Variants in TOP2A observed in about 807,000 individuals in gnomAD.
TOP2A encodes the protein DNA topoisomerase II alpha.
In TOP2A, 68 loss-of-function variants were observed where a neutral mutation model predicts 187.2. The observed-to-expected ratio is 0.36, with a 90% CI of 0.30 to 0.44. The LOEUF is 0.44. Among genes scored for constraint, TOP2A ranks in the 20% least tolerant of loss-of-function variants. TOP2A has a pLI of 1.00. For missense variants in TOP2A, 1,196 were observed against 1,808.7 expected (o/e 0.66, Z 6.14); for synonymous variants, 542 against 593.2 (o/e 0.91, Z 1.25).
intron 7 of TOP2A, among the ~76,000 whole-genome samples, chr17:40,412,272 G>A (rs78016783): frequency 0.038 from 5,737 of 152,228 alleles, 177 homozygotes; most frequent in African/African-American, 0.078. Context: ...AAATTCCTTC[G>A]GTAAGTTTAA....
Position 40,416,947 on chromosome 17 carries a change from A to T in TOP2A, c.22-52T>A, listed in dbSNP as rs1432894166. ...GAAGGGAATTTTTAATCATAAGTTT[A>T]CCCTAAACTAGGAACAAAATGCCTA... is the stretch of plus-strand genomic sequence containing the variant. On this transcript the variant is annotated intron_variant, in intron 1 of 34. Transcript: ENST00000423485. The T allele has an allele frequency of 6.1e-6, 9 of 1,469,924 alleles. No homozygotes were observed. In the Admixed American group the frequency reaches 1.5e-4, roughly 25 times the overall value. 91.1% of individuals were successfully genotyped at this position (1,469,924 alleles called of 1,614,324 possible).
chr17:40,398,635 C>T lies in TOP2A; in HGVS notation c.3460G>A (p.Glu1154Lys). 6.3e-7 allele frequency: 1 copy of T among 1,598,396 alleles called. No individual in the cohort carries two copies. The highest frequency in any genetic ancestry group is 8.5e-7 in the Non-Finnish European group (1 of 1,171,906). ...CTCTTTCTTTTTAATGTGTCCAGCT[C>T]TTGTTCCTTCATAAGATAATTACAA... Reference protein sequence around the residue: ...LCRLRNEKEQELDTLKRKSPS... With the variant: ...LCRLRNEKEQKLDTLKRKSPS... The change falls in exon 27 of 35, where the codon GAG becomes AAG. Residue 1154 changes from glutamate to lysine, a missense_variant. By Grantham distance (56) the Glu-to-Lys change is moderately conservative. Coordinates refer to ENST00000423485, the MANE Select transcript of TOP2A (RefSeq NM_001067.4).
intron 27 of TOP2A, among the ~76,000 whole-genome samples, chr17:40,396,923 G>A (rs1329369298): frequency 1.4e-5 from 2 of 145,976 alleles, no homozygotes; most frequent in South Asian, 2.1e-4. Context: ...TAAGAGACAC[G>A]CAGGCTGAGT....
intron 11 of TOP2A, 71 bp downstream of exon 11, chr17:40,408,421 G>A (rs1430229068): frequency 6.4e-6 from 9 of 1,417,230 alleles, no homozygotes; most frequent in African/African-American, 2.9e-5. Context: ...ATAAATATCC[G>A]TGGTATGCCA....
At chr17:40,405,015 G>A in intron 16 of TOP2A, 132 bp from the exon 17 acceptor site, 1 of 596,398 alleles carries the variant, frequency 1.7e-6, no homozygotes. Flanking sequence ...TGAGACGGGA[G>A]TTACTGTTCT....
intron 28 of TOP2A, 82 bp downstream of exon 28, chr17:40,396,201 G>GA (rs1185493671): frequency 5.5e-6 from 4 of 725,452 alleles, no homozygotes. Context: ...GGCTGGTCTT[G>GA]AACCACTGAC....
chr17:40,410,218 C>T (rs1448454466), intron 10 of TOP2A, among the ~76,000 whole-genome samples: 2 of 152,116 alleles, frequency 1.3e-5, no homozygotes, highest in Admixed American at 6.5e-5. Context: ...AAAGTAAAGG[C>T]TTTCCTGAGG....
At chr17:40,390,648 C>T (rs1395971145) in intron 33 of TOP2A, among the ~76,000 whole-genome samples, 1 of 133,652 alleles carries the variant, frequency 7.5e-6, no homozygotes, top group African/African-American at 2.9e-5. Flanking sequence ...TTTTTTGAGA[C>T]AGCATCTTGC....
intron 27 of TOP2A, among the ~76,000 whole-genome samples, chr17:40,397,968 G>A (rs1383624289): frequency 6.6e-6 from 1 of 151,818 alleles, no homozygotes; most frequent in Non-Finnish European, 1.5e-5. Flanking sequence ...AGTAGAGACA[G>A]GGTTTCTCCA....
At chr17:40,415,398 A>G (rs1037527769) in intron 4 of TOP2A, among the ~76,000 whole-genome samples, 1 of 152,110 alleles carries the variant, frequency 6.6e-6, no homozygotes, top group Non-Finnish European at 1.5e-5. Context: ...GTCCTTAGGA[A>G]AATCCAGGTA....
intron 27 of TOP2A, among the ~76,000 whole-genome samples, chr17:40,398,328 C>A (rs527610393): frequency 6.6e-6 from 1 of 151,734 alleles, no homozygotes; most frequent in Admixed American, 6.6e-5. Context: ...GGTCTTGAAC[C>A]CCTGACCTCA....
chr17:40,399,923 T>C lies in TOP2A; in HGVS notation c.3145A>G (p.Asn1049Asp). ...GMLGAESAKL[N>D]NQARFILEKI... is the part of the protein sequence containing the mutation. Reference sequence around the variant, plus strand: ...TCTAAGATAAAGCGAGCCTGATTATTCAGTTTAGCAGATTCAGCACCAAGC... The same window carrying C: ...TCTAAGATAAAGCGAGCCTGATTATCCAGTTTAGCAGATTCAGCACCAAGC... Residue 1049 changes from asparagine to aspartate, a missense_variant, in exon 24 of 35, where the codon AAT (asparagine) becomes GAT (aspartate). Around this residue, in one of 10 missense-constraint regions of TOP2A, gnomAD observed 232 missense variants for 306.1 expected, o/e 0.76. Coordinates refer to ENST00000423485, the MANE Select transcript of TOP2A (RefSeq NM_001067.4). The C allele has an allele frequency of 1.9e-6, 3 of 1,611,678 alleles. No individual in the cohort carries two copies. The highest frequency in any genetic ancestry group is 2.5e-6 in the Non-Finnish European group (3 of 1,179,096).
intron 4 of TOP2A, among the ~76,000 whole-genome samples, chr17:40,414,854 CAA>C (rs531134947): frequency 8.8e-4 from 42 of 47,584 alleles, no homozygotes; most frequent in Non-Finnish European, 1.0e-3. Flanking sequence ...AAAACTCCAT[CAA>C]AAAAAAAAAA....
chr17:40,408,923 G>C (rs925800724), intron 10 of TOP2A: 1 of 498,506 alleles, frequency 2.0e-6, no homozygotes, highest in South Asian at 1.5e-5. Context: ...GACCAGGCAC[G>C]GTGGCTCACG....
chr17:40,417,653 G>C, intron 1 of TOP2A, 118 bp downstream of exon 1: 1 of 1,554,230 alleles, frequency 6.4e-7, no homozygotes, highest in Non-Finnish European at 8.7e-7. Context: ...GGAGAATATG[G>C]GCTCCCAAGC....
chr17:40,396,895 T>C (rs2035106673), intron 27 of TOP2A, among the ~76,000 whole-genome samples: 1 of 151,056 alleles, frequency 6.6e-6, no homozygotes, highest in Non-Finnish European at 1.5e-5. Flanking sequence ...GGTGGTTTTT[T>C]TTTTGTTTTT....
chr17:40,400,773 A>G (rs1436892398), intron 21 of TOP2A, 77 bp downstream of exon 21: 1 of 1,536,376 alleles, frequency 6.5e-7, no homozygotes, highest in African/African-American at 1.4e-5. Context: ...TTATGTTTGC[A>G]TCATCTTTAA....
intron 27 of TOP2A, among the ~76,000 whole-genome samples, chr17:40,397,601 G>C (rs2035117742): frequency 6.6e-6 from 1 of 151,830 alleles, no homozygotes; most frequent in South Asian, 2.1e-4. Context: ...GTCCTTTTAA[G>C]TTGACTTGGG....
intron 28 of TOP2A, 87 bp downstream of exon 28, chr17:40,396,196 G>T: frequency 1.4e-6 from 1 of 692,584 alleles, no homozygotes; most frequent in Non-Finnish European, 2.4e-6. Context: ...TGGGAGGCTG[G>T]TCTTGAACCA....
Sources: allele counts gnomAD v4.1 joint callset (sites outside exome capture counted in the v4.1 genomes callset), GRCh38; gene constraint gnomAD v4.1.1; regional missense constraint gnomAD v4.1.1; transcripts MANE v1.5; gene names NCBI Gene and HGNC (gene_info 2026-07-23, HGNC 2026-07-21).